Variants in L3MBTL2 observed in about 807,000 individuals in gnomAD.
L3MBTL2 encodes the protein lethal(3)malignant brain tumor-like protein 2.
A neutral mutation model predicts 86.4 loss-of-function variants in L3MBTL2; 49 were observed. That is an observed-to-expected ratio of 0.57 (90% CI 0.45 to 0.72). The LOEUF is 0.72. Among genes scored for constraint, L3MBTL2 ranks in the 30% least tolerant of loss-of-function variants. The pLI is 0.00. For synonymous variants in L3MBTL2, 336 were observed against 350.6 expected, an observed-to-expected ratio of 0.96 and a Z score of 0.47; for missense variants, 755 against 923.7, an observed-to-expected ratio of 0.82 and a Z score of 2.37.
At chr22:41,228,482 GGGCTCCACAGTGT>G in intron 15 of L3MBTL2, 1 of 985,454 alleles carries the variant, frequency 1.0e-6, no homozygotes, top group South Asian at 4.7e-5. Flanking sequence ...ACAGCGAGGT[GGGCTCCACAGTGT>G]GGTACCATGT....
rs1256771011 is a variant in L3MBTL2, at chr22:41,227,822, A to G, written c.1841A>G (p.Lys614Arg). Residue 614 changes from lysine to arginine, a missense_variant, in exon 15 of 17, where the codon AAG (lysine) becomes AGG (arginine). By Grantham distance (26) the Lys-to-Arg change is conservative. Coordinates refer to ENST00000216237, the MANE Select transcript of L3MBTL2 (RefSeq NM_031488.5). This position sits in a 1 kb window ranked among gnomAD's most constrained non-coding sequence, Gnocchi z 6.0. The stretch of plus-strand genomic sequence containing the variant: ...ACAACAGAACCGGCCACACCGCTGA[A>G]GGCCAAAGAGGCCACAAAGAAGAAA... ...PVAAEPATPL[K>R]AKEATKKKKK... 6.2e-7 allele frequency: 1 copy of G among 1,613,750 alleles called. No individual in the cohort carries two copies. Among genetic ancestry groups the G allele is most frequent in the Non-Finnish European group, 8.5e-7 (1 of 1,179,794 alleles).
chr22:41,225,718 A>C lies in L3MBTL2; in HGVS notation c.1357-76A>C. ...TTGGATCCATTTGCCTCGTGTCCCTATTGGGGTGCGGTACCAACCCAGGAT... is the reference window on the plus strand; with the variant it reads ...TTGGATCCATTTGCCTCGTGTCCCTCTTGGGGTGCGGTACCAACCCAGGAT... On this transcript the variant is annotated intron_variant, in intron 11 of 16. Coordinates refer to ENST00000216237, the MANE Select transcript of L3MBTL2 (RefSeq NM_031488.5). The surrounding 1 kb of genome is among the most constrained non-coding windows in gnomAD (Gnocchi z 4.1). 6.7e-7 allele frequency: 1 copy of C among 1,493,998 alleles called. No individual in the cohort carries two copies. Among genetic ancestry groups the C allele is most frequent in the Non-Finnish European group, 9.1e-7 (1 of 1,095,156 alleles). 92.5% of individuals were successfully genotyped at this position (1,493,998 alleles called of 1,614,324 possible). A position where few individuals can be genotyped will look rare whatever the true frequency, so the allele number is the denominator to read the frequency against.
intron 15 of L3MBTL2, chr22:41,228,552 T>A: frequency 1.0e-6 from 1 of 984,964 alleles, no homozygotes; most frequent in Middle Eastern, 5.2e-4. Context: ...TTGGGCAGGG[T>A]TAAGATTGAG....
intron 6 of L3MBTL2, 74 bp from the exon 7 acceptor site, chr22:41,220,659 GA>G (rs397867987): frequency 0.16 from 197,263 of 1,265,988 alleles, 1,203 homozygotes; most frequent in Non-Finnish European, 0.17. Flanking sequence ...CTTCGTCTCA[GA>G]AAAAAAAAAA....
In L3MBTL2 at chr22:41,227,439, A is replaced by G; in HGVS notation, c.1822+116A>G. 5 of 1,218,044 alleles carry G rather than the reference A, an allele frequency of 4.1e-6. No homozygotes were observed. The highest frequency in any genetic ancestry group is 3.8e-4 in the Middle Eastern group (2 of 5,322). The allele number at this position is 1,218,044 out of a possible 1,614,324, so 75.5% of individuals were successfully genotyped here. A position where few individuals can be genotyped will look rare whatever the true frequency, so the allele number is the denominator to read the frequency against. ...GGCATGAGGTGGAGATGTCTCATGG[A>G]CCACTTTAAGTAGAGAGTGAGCCCC... On this transcript the variant is annotated intron_variant, in intron 14 of 16. Coordinates refer to ENST00000216237, the MANE Select transcript of L3MBTL2 (RefSeq NM_031488.5). This position sits in a 1 kb window ranked among gnomAD's most constrained non-coding sequence, Gnocchi z 6.0.
At chr22:41,211,643 G>A (rs1335146957) in intron 2 of L3MBTL2, among the ~76,000 whole-genome samples, 8 of 140,092 alleles carry the variant, frequency 5.7e-5, no homozygotes, top group East Asian at 2.1e-4. Flanking sequence ...TGCAAGTTCC[G>A]CCTCCCAGGT....
intron 8 of L3MBTL2, 61 bp downstream of exon 8, chr22:41,221,348 C>A: frequency 7.3e-7 from 1 of 1,365,054 alleles, no homozygotes; most frequent in Non-Finnish European, 1.0e-6. Flanking sequence ...CTGCATCCTG[C>A]ATGCCACTCA....
At chr22:41,219,689 A>G (rs929880673) in intron 6 of L3MBTL2, among the ~76,000 whole-genome samples, 153 bp downstream of exon 6, 2 of 152,156 alleles carry the variant, frequency 1.3e-5, no homozygotes, top group Non-Finnish European at 2.9e-5. Flanking sequence ...TTTACCGGAG[A>G]AGGGAACACA....
Position 41,227,416 on chromosome 22 carries a change from C to T in L3MBTL2, c.1822+93C>T. 4 of 1,329,508 alleles carry T rather than the reference C, an allele frequency of 3.0e-6. No homozygotes were observed. Among genetic ancestry groups the T allele is most frequent in the Non-Finnish European group, 4.2e-6 (4 of 949,162 alleles). 82.4% of individuals were successfully genotyped at this position (1,329,508 alleles called of 1,614,324 possible). A position where few individuals can be genotyped will look rare whatever the true frequency, so the allele number is the denominator to read the frequency against. Reference sequence around the variant, plus strand: ...CCCTGTGCCCATCTCCGTTCTTTGGCATGAGGTGGAGATGTCTCATGGACC... The same window carrying T: ...CCCTGTGCCCATCTCCGTTCTTTGGTATGAGGTGGAGATGTCTCATGGACC... On this transcript the variant is annotated intron_variant, in intron 14 of 16. Coordinates refer to ENST00000216237, the MANE Select transcript of L3MBTL2 (RefSeq NM_031488.5). The surrounding 1 kb of genome is among the most constrained non-coding windows in gnomAD (Gnocchi z 6.0).
In L3MBTL2 at chr22:41,224,074, G is replaced by T; in HGVS notation, c.997G>T (p.Asp333Tyr). The T allele has an allele frequency of 6.2e-7, 1 of 1,614,178 alleles. No homozygotes were observed. Among genetic ancestry groups the T allele is most frequent in the Non-Finnish European group, 8.5e-7 (1 of 1,180,026 alleles). ...GCAGGGCATGCGGCTGGAAGTGGTGGACAAGTCCCAGGTGTCACGCACTCG... is the reference window on the plus strand; with the variant it reads ...GCAGGGCATGCGGCTGGAAGTGGTGTACAAGTCCCAGGTGTCACGCACTCG... Reference protein sequence around the residue: ...FRQGMRLEVVDKSQVSRTRMA... With the variant: ...FRQGMRLEVVYKSQVSRTRMA... The change falls in exon 9 of 17, where the codon GAC becomes TAC. Residue 333 changes from aspartate (D) to tyrosine (Y), a missense_variant. Around this residue, in one of 3 missense-constraint regions of L3MBTL2, gnomAD observed 634 missense variants for 748.9 expected, o/e 0.85. Transcript: ENST00000216237. The surrounding 1 kb of genome is among the most constrained non-coding windows in gnomAD (Gnocchi z 4.9).
chr22:41,223,136 G>A (rs2031943962), intron 8 of L3MBTL2, among the ~76,000 whole-genome samples: 1 of 152,174 alleles, frequency 6.6e-6, no homozygotes, highest in African/African-American at 2.4e-5. Context: ...CCCTTGAGCT[G>A]GGCCAGAGGG....
In L3MBTL2 at chr22:41,220,795, C is replaced by T. The variant is rs2031756302; in HGVS notation, c.780C>T (p.Cys260=). ...FENDASHDFW[C]NLGTVDVHPI... ...ATGACGCCAGCCATGACTTCTGGTG[C>T]AACCTGGGAACAGTGGATGTCCACC... The change falls in exon 7 of 17, where the codon TGC becomes TGT. Residue 260 remains cysteine, a synonymous_variant. Transcript: ENST00000216237. The T allele has an allele frequency of 6.2e-7, 1 of 1,614,040 alleles. No individual in the cohort carries two copies. Among genetic ancestry groups the T allele is most frequent in the Non-Finnish European group, 8.5e-7 (1 of 1,179,964 alleles).
At position 41,225,779 on chromosome 22, in the gene L3MBTL2, C is replaced by T; in HGVS notation, c.1357-15C>T. On this transcript the variant is annotated splice_polypyrimidine_tract_variant and intron_variant, in intron 11 of 16. Coordinates refer to ENST00000216237, the MANE Select transcript of L3MBTL2 (RefSeq NM_031488.5). This position sits in a 1 kb window ranked among gnomAD's most constrained non-coding sequence, Gnocchi z 4.1. ...TCATGATATGATCTGTCTGCCTGCTCCCCCCACCCCCCAGGTTCTCCTGGA... is the reference window on the plus strand; with the variant it reads ...TCATGATATGATCTGTCTGCCTGCTTCCCCCACCCCCCAGGTTCTCCTGGA... 3.8e-6 allele frequency: 6 copies of T among 1,599,916 alleles called. No individual in the cohort carries two copies. The South Asian group carries it at 4.4e-5, about 12-fold the overall frequency.
chr22:41,226,336 C>T (rs2032183522), intron 12 of L3MBTL2, among the ~76,000 whole-genome samples: 1 of 152,168 alleles, frequency 6.6e-6, no homozygotes, highest in Non-Finnish European at 1.5e-5. Context: ...TCAAGTCAGG[C>T]CCCAGAAGTG....
intron 7 of L3MBTL2, 79 bp from the exon 8 acceptor site, chr22:41,221,119 CA>C (rs1384098177): frequency 2.3e-6 from 3 of 1,330,834 alleles, no homozygotes; most frequent in Non-Finnish European, 3.1e-6. Flanking sequence ...GAGGGGTCCC[CA>C]CTCTGGGTCG....
At chr22:41,217,369 T>C (rs1045697648) in intron 5 of L3MBTL2, 167 bp downstream of exon 5, 9 of 601,068 alleles carry the variant, frequency 1.5e-5, no homozygotes, top group African/African-American at 7.4e-5. Context: ...GTCAAAAAAA[T>C]CCTCCTACAA....
intron 1 of L3MBTL2, chr22:41,208,973 C>G (rs960580326): frequency 6.6e-6 from 1 of 152,230 alleles, no homozygotes; most frequent in African/African-American, 2.4e-5. Flanking sequence ...GAACTCCTGA[C>G]TTCGTGATCC....
chr22:41,229,423 C>T (rs2032422842), intron 15 of L3MBTL2, 117 bp from the exon 16 acceptor site: 2 of 1,145,278 alleles, frequency 1.7e-6, no homozygotes, highest in Non-Finnish European at 2.5e-6. Flanking sequence ...GGCTTTCTGT[C>T]CCCAAACTGG....
At chr22:41,222,606 C>T (rs1385840047) in intron 8 of L3MBTL2, among the ~76,000 whole-genome samples, 4 of 150,356 alleles carry the variant, frequency 2.7e-5, no homozygotes, top group African/African-American at 4.9e-5. Flanking sequence ...TGTGAGACTT[C>T]GTCTCTTGAA....
Sources: gnomAD v4.1 joint callset for allele counts (sites outside exome capture counted in the v4.1 genomes callset) on GRCh38, gnomAD v4.1.1 for gene constraint, gnomAD v4.1.1 regional missense constraint, Gnocchi (gnomAD v3.1) non-coding constraint, MANE v1.5 for transcripts, NCBI Gene and HGNC (gene_info 2026-07-23, HGNC 2026-07-21) for gene names.